Variants in TMEM132D observed in about 807,000 individuals in gnomAD.
TMEM132D encodes the protein transmembrane protein 132D, also known as mature OL transmembrane protein.
A neutral mutation model predicts 62.3 loss-of-function variants in TMEM132D; 21 were observed. The observed-to-expected ratio is 0.34, with a 90% confidence interval of 0.24 to 0.49. The LOEUF is 0.49. TMEM132D is among the 20% of genes least tolerant of loss of function. The probability of loss-of-function intolerance (pLI) is 0.99; values close to 1 mark genes in which losing one functional copy is unlikely to be tolerated. For missense variants in TMEM132D, 1,346 were observed against 1,402.8 expected (o/e 0.96, Z 0.65); for synonymous variants, 621 against 575.6 (o/e 1.08, Z -1.13).
intron 1 of TMEM132D, among the ~76,000 whole-genome samples, chr12:129,865,149 G>T (rs1158426087): frequency 6.6e-6 from 1 of 152,226 alleles, no homozygotes; most frequent in African/African-American, 2.4e-5. Flanking sequence ...ACCCCTGTGA[G>T]CAGGCTGGGT....
At position 129,082,002 on chromosome 12, in the gene TMEM132D, A is replaced by ATCC. The variant is rs751625287; in HGVS notation, c.1677_1679dup (p.Glu559dup). Reference sequence around the variant, plus strand: ...TGCAGCCGCGGCCCCTCCGCTCATCATCCTCCTCCTCTTCACTGTCCCCGG... The same window carrying ATCC: ...TGCAGCCGCGGCCCCTCCGCTCATCATCCTCCTCCTCCTCTTCACTGTCCCCGG... On this transcript the variant is annotated inframe_insertion, in exon 7 of 9. Transcript: ENST00000422113. 13 of 1,611,312 alleles carry ATCC rather than the reference A, an allele frequency of 8.1e-6. No individual in the cohort carries two copies. Among genetic ancestry groups the ATCC allele is most frequent in the Non-Finnish European group, 1.1e-5 (13 of 1,178,326 alleles).
At chr12:129,365,063 GA>G (rs1259323467) in intron 3 of TMEM132D, among the ~76,000 whole-genome samples, 1 of 152,160 alleles carries the variant, frequency 6.6e-6, no homozygotes, top group East Asian at 1.9e-4. Flanking sequence ...CATGGCTAAA[GA>G]AAAATCACCT....
At chr12:129,550,504 T>G (rs12229381) in intron 2 of TMEM132D, among the ~76,000 whole-genome samples, 28,937 of 152,168 alleles carry the variant, frequency 0.19, 3,247 homozygotes, top group East Asian at 0.46. Context: ...CATTGCATCT[T>G]GGCACTTAGC....
chr12:129,692,727 C>T (rs1881091747), intron 2 of TMEM132D, among the ~76,000 whole-genome samples: 1 of 152,080 alleles, frequency 6.6e-6, no homozygotes, highest in Non-Finnish European at 1.5e-5. Flanking sequence ...AGCCATTATC[C>T]TTAGCAAACT....
chr12:129,712,789 C>T (rs950723653), intron 1 of TMEM132D, among the ~76,000 whole-genome samples: 1 of 152,108 alleles, frequency 6.6e-6, no homozygotes, highest in African/African-American at 2.4e-5. Flanking sequence ...TGGGCTGCGT[C>T]CTCTCCTTCG....
intron 2 of TMEM132D, among the ~76,000 whole-genome samples, chr12:129,577,943 T>C (rs545433634): frequency 1.7e-4 from 26 of 152,332 alleles, no homozygotes; most frequent in African/African-American, 6.0e-4. Context: ...GATTAGCATT[T>C]GAATCAGCAG....
intron 2 of TMEM132D, among the ~76,000 whole-genome samples, chr12:129,574,668 C>T (rs1412743605): frequency 6.6e-6 from 1 of 151,662 alleles, no homozygotes; most frequent in Non-Finnish European, 1.5e-5. Flanking sequence ...GGTATCCAGG[C>T]TCACATAAGC....
chr12:129,252,724 A>G (rs1880300678), intron 4 of TMEM132D, among the ~76,000 whole-genome samples: 1 of 152,180 alleles, frequency 6.6e-6, no homozygotes, highest in South Asian at 2.1e-4. Flanking sequence ...TCATGCTGCT[A>G]TAAAGTCACA....
intron 5 of TMEM132D, among the ~76,000 whole-genome samples, chr12:129,105,925 C>T (rs1875483409): frequency 6.6e-6 from 1 of 151,026 alleles, no homozygotes. Context: ...GGGTATATAC[C>T]CAAAGGACTA....
chr12:129,564,935 A>T (rs1289451831), intron 2 of TMEM132D, among the ~76,000 whole-genome samples: 1 of 152,154 alleles, frequency 6.6e-6, no homozygotes. Flanking sequence ...AAAAGTGGGG[A>T]GCCCCTGAGA....
At chr12:129,420,703 T>G (rs1872293904) in intron 3 of TMEM132D, among the ~76,000 whole-genome samples, 1 of 152,176 alleles carries the variant, frequency 6.6e-6, no homozygotes, top group African/African-American at 2.4e-5. Context: ...AGACCCCTGG[T>G]GAACACCTTC....
intron 3 of TMEM132D, among the ~76,000 whole-genome samples, chr12:129,513,727 C>T (rs755769273): frequency 9.2e-5 from 14 of 151,578 alleles, no homozygotes; most frequent in Non-Finnish European, 1.5e-4. Flanking sequence ...CCTCATGATC[C>T]GCCCGTCTCA....
intron 1 of TMEM132D, among the ~76,000 whole-genome samples, chr12:129,792,226 A>C (rs1871419531): frequency 6.6e-6 from 1 of 152,082 alleles, no homozygotes; most frequent in South Asian, 2.1e-4. Flanking sequence ...TTTTTATTGC[A>C]CTGGAGACAG....
At chr12:129,695,201 T>C (rs201864243) in intron 2 of TMEM132D, among the ~76,000 whole-genome samples, 1 of 152,096 alleles carries the variant, frequency 6.6e-6, no homozygotes, top group Non-Finnish European at 1.5e-5. Flanking sequence ...CTATATGTAA[T>C]GCAGTCTCCT....
intron 3 of TMEM132D, among the ~76,000 whole-genome samples, chr12:129,370,705 G>T (rs1255603537): frequency 6.6e-6 from 1 of 152,154 alleles, no homozygotes; most frequent in East Asian, 1.9e-4. Context: ...CATAAAAAAA[G>T]AATAAAATTC....
intron 4 of TMEM132D, among the ~76,000 whole-genome samples, chr12:129,215,626 G>A (rs1490380236): frequency 6.6e-6 from 1 of 152,178 alleles, no homozygotes; most frequent in African/African-American, 2.4e-5. Context: ...GGTGGTATGT[G>A]GTTAAAAGAC....
At chr12:129,559,882 T>C (rs570040591) in intron 2 of TMEM132D, among the ~76,000 whole-genome samples, 1 of 152,300 alleles carries the variant, frequency 6.6e-6, no homozygotes, top group South Asian at 2.1e-4. Flanking sequence ...CCAAGGAACA[T>C]GTTCATGGAG....
chr12:129,432,123 GTGGATGGATGGA>G (rs113591569), intron 3 of TMEM132D, among the ~76,000 whole-genome samples: 17 of 145,308 alleles, frequency 1.2e-4, no homozygotes, highest in African/African-American at 3.2e-4. Flanking sequence ...GGATGGATAG[GTGGATGGATGGA>G]TGGATGGATG....
chr12:129,145,821 G>T (rs1876877813), intron 5 of TMEM132D, among the ~76,000 whole-genome samples: 1 of 152,048 alleles, frequency 6.6e-6, no homozygotes, highest in Non-Finnish European at 1.5e-5. Flanking sequence ...TTTATGGTGT[G>T]CCCAGGGGTG....
Sources: allele counts gnomAD v4.1 joint callset (sites outside exome capture counted in the v4.1 genomes callset), GRCh38; gene constraint gnomAD v4.1.1; transcripts MANE v1.5; gene names NCBI Gene and HGNC (gene_info 2026-07-23, HGNC 2026-07-21).